FRMPD4: variants seen among roughly 807,000 people sequenced by gnomAD.
The protein encoded by FRMPD4 is FERM and PDZ domain containing 4, also known as FERM and PDZ domain-containing protein 4.
A neutral mutation model predicts 94.1 loss-of-function variants in FRMPD4; 22 were observed. The observed-to-expected ratio is 0.23, with a 90% CI of 0.17 to 0.33. FRMPD4 has a LOEUF of 0.33. FRMPD4 is among the 10% of genes least tolerant of loss of function. FRMPD4 has a pLI of 1.00. For synonymous variants in FRMPD4, 631 were observed against 548.6 expected, an observed-to-expected ratio of 1.15 and a Z score of -2.10; for missense variants, 1,111 against 1,339.9, an observed-to-expected ratio of 0.83 and a Z score of 2.67.
At chrX:12,050,548 A>G (rs368607141) in intron 3 of FRMPD4, among the ~76,000 whole-genome samples, 1 of 112,030 alleles carries the variant, frequency 8.9e-6, no homozygotes, top group African/African-American at 3.2e-5. Flanking sequence ...TAAGCAACAC[A>G]TGACTGTATA....
chrX:12,160,762 A>C (rs1156505458), intron 1 of FRMPD4, among the ~76,000 whole-genome samples: 1 of 111,489 alleles, frequency 9.0e-6, no homozygotes, highest in African/African-American at 3.3e-5. Flanking sequence ...TTCTGGTACA[A>C]AATAGATCAG....
At chrX:12,114,629 A>G (rs2055392410) in intron 3 of FRMPD4, among the ~76,000 whole-genome samples, 1 of 112,183 alleles carries the variant, frequency 8.9e-6, no homozygotes, top group South Asian at 3.7e-4. Context: ...TAAGCCCCTT[A>G]TTTACTCAGT....
chrX:12,477,153 T>C (rs966091773), intron 1 of FRMPD4, among the ~76,000 whole-genome samples: 7 of 111,386 alleles, frequency 6.3e-5, no homozygotes, highest in Admixed American at 3.8e-4. Flanking sequence ...ATGTCCTTTG[T>C]AGGGACATGG....
intron 3 of FRMPD4, among the ~76,000 whole-genome samples, chrX:11,994,278 G>A (rs763449357): frequency 2.7e-4 from 30 of 111,205 alleles, no homozygotes; most frequent in Non-Finnish European, 5.5e-4. Context: ...ACAGATATAG[G>A]AGAACGATGG....
intron 1 of FRMPD4, among the ~76,000 whole-genome samples, chrX:12,395,447 A>G (rs1027329628): frequency 4.4e-5 from 5 of 112,487 alleles, no homozygotes; most frequent in East Asian, 2.8e-4. Flanking sequence ...CCAGTTACTC[A>G]TCTAATAAAG....
chrX:12,385,925 A>T (rs1313763744), intron 1 of FRMPD4, among the ~76,000 whole-genome samples: 2 of 112,295 alleles, frequency 1.8e-5, no homozygotes, highest in Admixed American at 1.9e-4. Flanking sequence ...TCCTAATTGC[A>T]ATCCAAGGCC....
chrX:12,156,920 AACC>A (rs200547605), intron 1 of FRMPD4, among the ~76,000 whole-genome samples: 1,973 of 112,053 alleles, frequency 0.018, 49 homozygotes, highest in African/African-American at 0.061. Flanking sequence ...CTACAGCCAT[AACC>A]ACAATAAATG....
At chrX:12,231,030 G>GTATGTATATATATATATATA (rs1555938221) in intron 1 of FRMPD4, among the ~76,000 whole-genome samples, 16 of 26,375 alleles carry the variant, frequency 6.1e-4, no homozygotes, top group East Asian at 2.1e-3. Flanking sequence ...TATATATATA[G>GTATGTATATATATATATATA]TATATATATA....
chrX:12,506,524 T>C (rs1169986590), intron 2 of FRMPD4, among the ~76,000 whole-genome samples: 1 of 111,932 alleles, frequency 8.9e-6, no homozygotes, highest in Non-Finnish European at 1.9e-5. Context: ...CTTGACCTCG[T>C]GATCTGCCTG....
At chrX:11,947,783 C>T (rs770734859) in intron 3 of FRMPD4, among the ~76,000 whole-genome samples, 1 of 111,272 alleles carries the variant, frequency 9.0e-6, no homozygotes, top group Non-Finnish European at 1.9e-5. Context: ...TCAATATTAA[C>T]TTTAAAATTG....
At chrX:11,987,098 T>TAAAAAAAAAAAAAAAAAA (rs35377550) in intron 3 of FRMPD4, among the ~76,000 whole-genome samples, 4 of 21,843 alleles carry the variant, frequency 1.8e-4, no homozygotes, top group African/African-American at 3.2e-4. Flanking sequence ...AAAGACACAT[T>TAAAAAAAAAAAAAAAAAA]AAAAAAAAAA....
chrX:12,382,326 C>T (rs773970030), intron 1 of FRMPD4, among the ~76,000 whole-genome samples: 24 of 111,026 alleles, frequency 2.2e-4, no homozygotes, highest in Admixed American at 1.6e-3. Flanking sequence ...AAAGGATCGC[C>T]GGGCAGAGGG....
chrX:12,659,173 T>C, intron 4 of FRMPD4, among the ~76,000 whole-genome samples: 1 of 112,032 alleles, frequency 8.9e-6, no homozygotes, highest in East Asian at 2.8e-4. Flanking sequence ...CCTTGACAGC[T>C]TCATAGCCAA....
intron 3 of FRMPD4, among the ~76,000 whole-genome samples, chrX:11,980,754 G>A (rs1436368334): frequency 9.0e-6 from 1 of 111,367 alleles, no homozygotes; most frequent in East Asian, 2.8e-4. Context: ...CAAAAGTTTT[G>A]TTTTGTAGGA....
At chrX:12,307,967 C>T (rs758939556) in intron 1 of FRMPD4, among the ~76,000 whole-genome samples, 49 of 111,225 alleles carry the variant, frequency 4.4e-4, no homozygotes, top group African/African-American at 1.1e-3. Context: ...TATGTGTTTG[C>T]GTGTAGCTAT....
At chrX:11,901,941 T>C in intron 3 of FRMPD4, among the ~76,000 whole-genome samples, 1 of 111,870 alleles carries the variant, frequency 8.9e-6, no homozygotes, top group East Asian at 2.8e-4. Context: ...GCCTGCTTCG[T>C]GATGGGATTA....
intron 3 of FRMPD4, among the ~76,000 whole-genome samples, chrX:11,896,960 AC>A (rs1243954224): frequency 9.0e-6 from 1 of 111,270 alleles, no homozygotes; most frequent in Non-Finnish European, 1.9e-5. Context: ...TCCAGAACAG[AC>A]CACACTTGGA....
At chrX:12,697,454 A>G (rs1272836008) in intron 9 of FRMPD4, among the ~76,000 whole-genome samples, 1 of 112,250 alleles carries the variant, frequency 8.9e-6, no homozygotes, top group Non-Finnish European at 1.9e-5. Context: ...TTTCTCTATA[A>G]TTATATACTC....
intron 1 of FRMPD4, among the ~76,000 whole-genome samples, chrX:12,258,665 TTTA>T (rs1377284607): frequency 1.8e-5 from 2 of 111,635 alleles, no homozygotes; most frequent in African/African-American, 3.3e-5. Context: ...TCTAATTTAT[TTTA>T]TTATTATTAC....
Sources: gnomAD v4.1 joint callset for allele counts (sites outside exome capture counted in the v4.1 genomes callset) on GRCh38, gnomAD v4.1.1 for gene constraint, MANE v1.5 for transcripts, NCBI Gene and HGNC (gene_info 2026-07-23, HGNC 2026-07-21) for gene names.